Variants in GOLGA4 observed in about 807,000 individuals in gnomAD.
The protein encoded by GOLGA4 is golgin A4.
A neutral mutation model predicts 265.9 loss-of-function variants in GOLGA4; 169 were observed. That is an observed-to-expected ratio of 0.64 (90% confidence interval 0.56 to 0.72). The LOEUF (loss-of-function observed/expected upper bound fraction) is 0.72. GOLGA4 is among the 30% of genes least tolerant of loss of function. The pLI is 0.00. For synonymous variants in GOLGA4, 923 were observed against 855.8 expected, an observed-to-expected ratio of 1.08 and a Z score of -1.37; for missense variants, 2,482 against 2,483.4, an observed-to-expected ratio of 1.00 and a Z score of 0.01.
chr3:37,258,079 ATG>A (rs1316602379), intron 2 of GOLGA4, among the ~76,000 whole-genome samples: 4 of 128,534 alleles, frequency 3.1e-5, no homozygotes, highest in East Asian at 4.4e-4. Context: ...GTATATATAT[ATG>A]TGTGTATATA....
chr3:37,286,064 A>G lies in GOLGA4; in HGVS notation c.525+3A>G, dbSNP rs1343115894. On this transcript the variant is annotated splice_donor_region_variant and intron_variant, in intron 4 of 23. Transcript: ENST00000361924. Reference sequence around the variant, plus strand: ...AGAGAGAGAAGAAAAAGCTACAAGTAAGTGATTTGTCAACTGCATTACTGA... The same window carrying G: ...AGAGAGAGAAGAAAAAGCTACAAGTGAGTGATTTGTCAACTGCATTACTGA... 2.0e-6 allele frequency: 3 copies of G among 1,536,212 alleles called. No homozygotes were observed. The highest frequency in any genetic ancestry group is 2.7e-6 in the Non-Finnish European group (3 of 1,114,338).
Position 37,323,967 on chromosome 3 carries a change from C to A in GOLGA4, c.2081C>A (p.Ser694Ter). The A allele has an allele frequency of 6.2e-7, 1 of 1,613,428 alleles. No individual in the cohort carries two copies. The highest frequency in any genetic ancestry group is 1.1e-5 in the South Asian group (1 of 91,034). ...CTAGAATCATTATCTTCTGAACTGT[C>A]AGAAGTATTAAAAGCCCGTCACAAA... The part of the protein sequence containing the change: ...TELESLSSEL[S>*]EVLKARHKLE... Residue 694 changes from serine (S) to a stop codon, truncating the protein, a stop_gained, in exon 14 of 24, where the codon TCA (serine) becomes TAA (stop). Coordinates refer to ENST00000361924, the MANE Select transcript of GOLGA4 (RefSeq NM_002078.5). LOFTEE classifies it high-confidence loss of function.
rs573579091 is a variant in GOLGA4, at chr3:37,348,170, A to G, written c.6576+874A>G. On this transcript the variant is annotated intron_variant, in intron 21 of 23. Coordinates refer to ENST00000361924, the MANE Select transcript of GOLGA4 (RefSeq NM_002078.5). ...GTTCAAGCACTGATTTGGCAAATAT[A>G]TTTAAAACCTAAAAAGCAAATATCT... 6.9e-4 allele frequency among the ~76,000 whole-genome samples: 105 copies of G among 152,294 alleles called. No homozygotes were observed. In the Middle Eastern group the frequency reaches 0.014, roughly 20 times the overall value.
At chr3:37,243,737 C>T in intron 1 of GOLGA4, 115 bp downstream of exon 1, 5 of 818,542 alleles carry the variant, frequency 6.1e-6, no homozygotes, top group Admixed American at 5.5e-5. Flanking sequence ...CCCTAACCCG[C>T]ACTTTTCCCA....
intron 2 of GOLGA4, among the ~76,000 whole-genome samples, chr3:37,255,470 G>C (rs1222044603): frequency 7.9e-5 from 12 of 151,616 alleles, no homozygotes; most frequent in African/African-American, 2.9e-4. Flanking sequence ...ACCTTTATAT[G>C]TCCCTTTTAT....
chr3:37,298,701 A>G (rs1156466829), intron 7 of GOLGA4, 132 bp from the exon 8 acceptor site: 2 of 631,746 alleles, frequency 3.2e-6, no homozygotes, highest in Non-Finnish European at 5.6e-6. Flanking sequence ...GGAACGAACA[A>G]TGACAGCTTA....
At position 37,325,067 on chromosome 3, in the gene GOLGA4, A is replaced by T. The variant is rs771364465; in HGVS notation, c.3181A>T (p.Ile1061Leu). 5 of 1,612,958 alleles carry T rather than the reference A, an allele frequency of 3.1e-6. No homozygotes were observed. In the South Asian group the frequency reaches 5.5e-5, roughly 18 times the overall value. ...LNQQAEELQE[I>L]HEIQLQEKEQ... ...TCAGCAAGCTGAAGAACTTCAGGAA[A>T]TACATGAAATCCAATTACAGGAAAA... The change falls in exon 14 of 24, where the codon ATA becomes TTA. Residue 1061 changes from isoleucine to leucine, a missense_variant. Transcript: ENST00000361924.
intron 5 of GOLGA4, among the ~76,000 whole-genome samples, chr3:37,294,697 ATTAT>A (rs910737405): frequency 6.6e-6 from 1 of 152,074 alleles, no homozygotes; most frequent in Non-Finnish European, 1.5e-5. Context: ...GTCTTAAGTG[ATTAT>A]TTATTTTCTC....
chr3:37,276,506 A>G (rs1427620948), intron 2 of GOLGA4: 8 of 1,609,084 alleles, frequency 5.0e-6, no homozygotes, highest in Non-Finnish European at 5.9e-6. Context: ...GAAGAATTGC[A>G]CTTACACACA....
intron 2 of GOLGA4, chr3:37,273,661 G>A (rs1578440595): frequency 1.2e-6 from 1 of 861,924 alleles, no homozygotes; most frequent in Non-Finnish European, 1.9e-6. Context: ...TGGTCAGTCT[G>A]TGTTAATTAT....
intron 20 of GOLGA4, among the ~76,000 whole-genome samples, chr3:37,343,039 A>G (rs2097042614): frequency 1.3e-5 from 2 of 152,204 alleles, no homozygotes; most frequent in African/African-American, 4.8e-5. Flanking sequence ...AGCTGGGAGT[A>G]CAGGGTTCCA....
chr3:37,327,043 T>C lies in GOLGA4; in HGVS notation c.5157T>C (p.Thr1719=). The part of the protein sequence containing the change: ...PRSAKNVAAY[T]EQEEADSQGC... Reference sequence around the variant, plus strand: ...CAGCAAAAAATGTGGCAGCATATACTGAACAAGAAGAAGCAGATTCCCAAG... The same window carrying C: ...CAGCAAAAAATGTGGCAGCATATACCGAACAAGAAGAAGCAGATTCCCAAG... Residue 1719 remains threonine (T), a synonymous_variant, in exon 14 of 24, where the codon ACT becomes ACC. Coordinates refer to ENST00000361924, the MANE Select transcript of GOLGA4 (RefSeq NM_002078.5). 1 of 1,613,844 alleles carries C rather than the reference T, an allele frequency of 6.2e-7. No homozygotes were observed. The highest frequency in any genetic ancestry group is 8.5e-7 in the Non-Finnish European group (1 of 1,179,842).
Position 37,327,414 on chromosome 3 carries a change from AG to A in GOLGA4, c.5530del (p.Glu1844ArgfsTer4). ...TTTGACGACGTCCAGAAAACCCTCC[AG>A]GAGAAGGAACTAACCTGTCAGATTT... ...NVFDDVQKTL[Q>X]EKELTCQILE... On this transcript the variant is annotated frameshift_variant, in exon 14 of 24. Coordinates refer to ENST00000361924, the MANE Select transcript of GOLGA4 (RefSeq NM_002078.5). LOFTEE classifies it high-confidence loss of function. The A allele has an allele frequency of 6.2e-7, 1 of 1,613,982 alleles. No individual in the cohort carries two copies. The highest frequency in any genetic ancestry group is 8.5e-7 in the Non-Finnish European group (1 of 1,179,866).
intron 3 of GOLGA4, among the ~76,000 whole-genome samples, chr3:37,282,527 A>G (rs1175532771): frequency 3.3e-5 from 5 of 152,162 alleles, no homozygotes; most frequent in Admixed American, 3.3e-4. Context: ...TGGTTCTTAT[A>G]TTCTGTTCCC....
At chr3:37,247,780 C>G (rs948336660) in intron 1 of GOLGA4, among the ~76,000 whole-genome samples, 2 of 152,170 alleles carry the variant, frequency 1.3e-5, no homozygotes, top group African/African-American at 4.8e-5. Context: ...GAATTCAGTC[C>G]TTTCTGGTTA....
chr3:37,307,973 C>T (rs2096911623), intron 10 of GOLGA4, among the ~76,000 whole-genome samples: 1 of 152,164 alleles, frequency 6.6e-6, no homozygotes, highest in African/African-American at 2.4e-5. Flanking sequence ...GTGGCTCACG[C>T]CCGAAATCCC....
At chr3:37,340,073 C>A in intron 19 of GOLGA4, 51 bp from the exon 20 acceptor site, 1 of 762,370 alleles carries the variant, frequency 1.3e-6, no homozygotes, top group Non-Finnish European at 2.3e-6. Flanking sequence ...CTTTTTCTTA[C>A]ATACAGTTTC....
chr3:37,332,274 T>G (rs2096993079), intron 16 of GOLGA4, among the ~76,000 whole-genome samples: 1 of 152,212 alleles, frequency 6.6e-6, no homozygotes. Context: ...TAAAGTCACA[T>G]TCTCAAGCTT....
chr3:37,348,403 C>CTT (rs540088481), intron 21 of GOLGA4, among the ~76,000 whole-genome samples: 1 of 151,172 alleles, frequency 6.6e-6, no homozygotes, highest in African/African-American at 2.4e-5. Flanking sequence ...AATTCAGTGT[C>CTT]TTTTTTTTTC....
Sources: allele counts gnomAD v4.1 joint callset (sites outside exome capture counted in the v4.1 genomes callset), GRCh38; gene constraint gnomAD v4.1.1; transcripts MANE v1.5; gene names NCBI Gene and HGNC (gene_info 2026-07-23, HGNC 2026-07-21).